XXYLT1: variants seen among roughly 807,000 people sequenced by gnomAD.
The protein encoded by XXYLT1 is UDP-xylose:alpha-xyloside alpha-1,3-xylosyltransferase.
Under a neutral mutation model 28.9 loss-of-function variants are expected in XXYLT1, and 20 were observed. That is an observed-to-expected ratio of 0.69 (90% CI 0.49 to 1.00). The LOEUF (loss-of-function observed/expected upper bound fraction) is 1.00. Among genes scored for constraint, XXYLT1 ranks in the 50% least tolerant of loss-of-function variants. The pLI, the probability that XXYLT1 is intolerant of heterozygous loss-of-function variation, is 0.00. For synonymous variants in XXYLT1, 257 were observed against 253.8 expected, an observed-to-expected ratio of 1.01 and a Z score of -0.12; for missense variants, 542 against 560.1, an observed-to-expected ratio of 0.97 and a Z score of 0.33.
chr3:195,142,689 C>T lies in XXYLT1; in HGVS notation c.785+13760G>A, dbSNP rs187848417. 9.9e-4 allele frequency among the ~76,000 whole-genome samples: 151 copies of T among 152,386 alleles called. 2 individuals carry two copies. Among genetic ancestry groups the T allele is most frequent in the Admixed American group, 9.7e-3 (149 of 15,310 alleles). On this transcript the variant is annotated intron_variant, in intron 3 of 3. Coordinates refer to ENST00000310380, the MANE Select transcript of XXYLT1 (RefSeq NM_152531.5). ...GCCATTAGCAATGCCCTCAATGGCA[C>T]CGCCGAGCAGGCAGCCGGGGCTGGG...
At chr3:195,163,343 T>G (rs1188918860) in intron 2 of XXYLT1, among the ~76,000 whole-genome samples, 1 of 152,208 alleles carries the variant, frequency 6.6e-6, no homozygotes, top group Non-Finnish European at 1.5e-5. Flanking sequence ...CCATGCCACC[T>G]TATGGATTCA....
In XXYLT1 at chr3:195,068,366, T is replaced by C. The variant is rs555030869; in HGVS notation, c.*1349A>G. 1.2e-4 allele frequency: 18 copies of C among 151,842 alleles called. No individual in the cohort carries two copies. The highest frequency in any genetic ancestry group is 4.1e-4 in the African/African-American group (17 of 41,396). 9.4% of individuals were successfully genotyped at this position (151,842 alleles called of 1,614,324 possible). A position where few individuals can be genotyped will look rare whatever the true frequency, so the allele number is the denominator to read the frequency against. ...AAATCAAAACAAAACAAGATGAAAATTGATACAAATGGACCCCTGGGGCTT... is the reference window on the plus strand; with the variant it reads ...AAATCAAAACAAAACAAGATGAAAACTGATACAAATGGACCCCTGGGGCTT... On this transcript the variant is annotated 3_prime_UTR_variant, in exon 4 of 4. Coordinates refer to ENST00000310380, the MANE Select transcript of XXYLT1 (RefSeq NM_152531.5).
At chr3:195,103,339 GCGACC>G (rs1716896279) in intron 3 of XXYLT1, among the ~76,000 whole-genome samples, 2 of 151,420 alleles carry the variant, frequency 1.3e-5, no homozygotes, top group Admixed American at 1.3e-4. Context: ...CCCCACGCCA[GCGACC>G]TGCGTCCATC....
At chr3:195,181,768 AC>A (rs1721964526) in intron 2 of XXYLT1, among the ~76,000 whole-genome samples, 1 of 152,124 alleles carries the variant, frequency 6.6e-6, no homozygotes, top group Admixed American at 6.6e-5. Flanking sequence ...CACAGCTGAT[AC>A]CCTTAACCAC....
rs915574754 is a variant in XXYLT1, at chr3:195,255,936, C to T, written c.504+14619G>A. Among the ~76,000 whole-genome samples, 4 of 152,162 alleles carry T rather than the reference C, an allele frequency of 2.6e-5. No homozygotes were observed. The highest frequency in any genetic ancestry group is 5.9e-5 in the Non-Finnish European group (4 of 68,012). ...TCCTAGAAAGAGGCTCCCTGCTGTTCTATGGGCAGCTCCTGGAGGAGGGAG... is the reference window on the plus strand; with the variant it reads ...TCCTAGAAAGAGGCTCCCTGCTGTTTTATGGGCAGCTCCTGGAGGAGGGAG... On this transcript the variant is annotated intron_variant, in intron 1 of 3. Transcript: ENST00000310380. This position sits in a 1 kb window ranked among gnomAD's most constrained non-coding sequence, Gnocchi z 4.5.
intron 3 of XXYLT1, among the ~76,000 whole-genome samples, chr3:195,110,316 G>GT (rs1289892064): frequency 2.8e-3 from 5 of 1,766 alleles, no homozygotes; most frequent in African/African-American, 6.2e-3. Flanking sequence ...ATGTGTGTGT[G>GT]GGTGAGGGTG....
In XXYLT1 at chr3:195,076,214, G is replaced by A. The variant is rs116711952; in HGVS notation, c.786-6103C>T. ...GGCCTGGAGGAAGGTCTGGGGGCTC[G>A]GGGAAGTGAGAAAAGAGGTGACATC... On this transcript the variant is annotated intron_variant, in intron 3 of 3. Coordinates refer to ENST00000310380, the MANE Select transcript of XXYLT1 (RefSeq NM_152531.5). The surrounding 1 kb of genome is among the most constrained non-coding windows in gnomAD (Gnocchi z 5.3). 3.4e-3 allele frequency among the ~76,000 whole-genome samples: 519 copies of A among 152,290 alleles called. 5 individuals are homozygous for A. Among genetic ancestry groups the A allele is most frequent in the Middle Eastern group, 0.024 (7 of 294 alleles).
rs570332506 is a variant in XXYLT1, at chr3:195,247,658, G to A, written c.505-20802C>T. ...ATCCCCAGACAGCCCTGCCAGGCTC[G>A]AACCCTCCGACCCCAGGGCAGGCTC... On this transcript the variant is annotated intron_variant, in intron 1 of 3. Transcript: ENST00000310380. The A allele has an allele frequency of 7.6e-4, 437 of 573,822 alleles. 1 individual carries two copies. Among genetic ancestry groups the A allele is most frequent in the Middle Eastern group, 3.2e-3 (7 of 2,178 alleles). 35.5% of individuals were successfully genotyped at this position (573,822 alleles called of 1,614,324 possible).
Position 195,156,462 on chromosome 3 carries a change from G to T in XXYLT1, c.772C>A (p.Gln258Lys). The T allele has an allele frequency of 6.2e-7, 1 of 1,614,012 alleles. No homozygotes were observed. The highest frequency in any genetic ancestry group is 1.1e-5 in the South Asian group (1 of 91,078). The part of the protein sequence containing the change: ...GAIIGIAREM[Q>K]PVYRHTFWQF... Reference sequence around the variant, plus strand: ...GTCATGACGCACCTGTAAACTGGCTGCATCTCCCGGGCTATGCCGATGATG... The same window carrying T: ...GTCATGACGCACCTGTAAACTGGCTTCATCTCCCGGGCTATGCCGATGATG... The change falls in exon 3 of 4, where the codon CAG (glutamine) becomes AAG (lysine). Residue 258 changes from glutamine to lysine, a missense_variant. By Grantham distance (53) the Gln-to-Lys change is moderately conservative. Transcript: ENST00000310380.
intron 3 of XXYLT1, among the ~76,000 whole-genome samples, chr3:195,089,837 C>T (rs1297891642): frequency 6.6e-6 from 1 of 151,730 alleles, no homozygotes; most frequent in African/African-American, 2.4e-5. Flanking sequence ...GGAAGATCTA[C>T]CAAGCCAATG....
chr3:195,102,481 C>A (rs555355115), intron 3 of XXYLT1, among the ~76,000 whole-genome samples: 1 of 152,264 alleles, frequency 6.6e-6, no homozygotes, highest in African/African-American at 2.4e-5. Flanking sequence ...TTCTTCTCTA[C>A]CGCTGTGTAT....
intron 3 of XXYLT1, among the ~76,000 whole-genome samples, chr3:195,112,487 T>C (rs893191881): frequency 4.7e-5 from 5 of 106,076 alleles, no homozygotes; most frequent in African/African-American, 1.8e-4. Flanking sequence ...CACACACGCA[T>C]GGACACATGC....
chr3:195,205,711 A>G (rs1453357466), intron 2 of XXYLT1, among the ~76,000 whole-genome samples: 1 of 152,148 alleles, frequency 6.6e-6, no homozygotes, highest in Non-Finnish European at 1.5e-5. Flanking sequence ...AAAAATACAA[A>G]AATTAGCCAA....
In XXYLT1 at chr3:195,226,730, T is replaced by C; in HGVS notation, c.631A>G (p.Met211Val). ...SDSIFFLSVA[M>V]HQIMPKEILQ... ...TTACCTTTGGGCATGATCTGATGCA[T>C]GGCGACCGAGAGGAAGAAGATGGAG... The change falls in exon 2 of 4, where the codon ATG (methionine) becomes GTG (valine). Residue 211 changes from methionine to valine, a missense_variant. By Grantham distance (21) the Met-to-Val change is conservative. Transcript: ENST00000310380. 6.2e-7 allele frequency: 1 copy of C among 1,613,700 alleles called. No individual in the cohort carries two copies. Among genetic ancestry groups the C allele is most frequent in the East Asian group, 2.2e-5 (1 of 44,860 alleles).
chr3:195,195,657 C>A lies in XXYLT1; in HGVS notation c.652+31052G>T, dbSNP rs548324528. ...CCCTGGTCCCTTCACTCTGGCAGTTCCCCTACTGCCCAGCCCGGGAACTCC... is the reference window on the plus strand; with the variant it reads ...CCCTGGTCCCTTCACTCTGGCAGTTACCCTACTGCCCAGCCCGGGAACTCC... On this transcript the variant is annotated intron_variant, in intron 2 of 3. Transcript: ENST00000310380. The surrounding 1 kb of genome is among the most constrained non-coding windows in gnomAD (Gnocchi z 4.4). Among the ~76,000 whole-genome samples, 4 of 152,292 alleles carry A rather than the reference C, an allele frequency of 2.6e-5. No individual in the cohort carries two copies. The highest frequency in any genetic ancestry group is 4.4e-5 in the Non-Finnish European group (3 of 68,020).
chr3:195,194,231 A>G (rs938655652), intron 2 of XXYLT1, among the ~76,000 whole-genome samples: 76 of 150,838 alleles, frequency 5.0e-4, no homozygotes, highest in African/African-American at 1.7e-3. Context: ...ACCCCAATTA[A>G]TATATATATT....
intron 1 of XXYLT1, among the ~76,000 whole-genome samples, chr3:195,269,402 G>A (rs947880858): frequency 1.3e-5 from 2 of 152,202 alleles, no homozygotes; most frequent in African/African-American, 4.8e-5. Context: ...GGTGAAAGCT[G>A]AGTAAAGAAT....
rs372015196 is a variant in XXYLT1 at position 195,124,470 on chromosome 3, C to T, written c.785+31979G>A. Among the ~76,000 whole-genome samples the T allele has an allele frequency of 3.3e-5, 5 of 152,288 alleles. No individual in the cohort carries two copies. In the South Asian group the frequency reaches 1.0e-3, roughly 32 times the overall value. ...GGGCTTTGGGCCTGGCACAGAATAA[C>T]TTTGTTTTCCCCTGATAATTTGTCT... On this transcript the variant is annotated intron_variant, in intron 3 of 3. Coordinates refer to ENST00000310380, the MANE Select transcript of XXYLT1 (RefSeq NM_152531.5). The surrounding 1 kb of genome is among the most constrained non-coding windows in gnomAD (Gnocchi z 4.1).
chr3:195,078,718 C>T lies in XXYLT1; in HGVS notation c.786-8607G>A, dbSNP rs1715261158. On this transcript the variant is annotated intron_variant, in intron 3 of 3. Coordinates refer to ENST00000310380, the MANE Select transcript of XXYLT1 (RefSeq NM_152531.5). The surrounding 1 kb of genome is among the most constrained non-coding windows in gnomAD (Gnocchi z 5.0). Reference sequence around the variant, plus strand: ...AGATGCATCCTGCTGCCACTCTCCCCAGTCCCCAGGGCTGCACACAGCCCC... The same window carrying T: ...AGATGCATCCTGCTGCCACTCTCCCTAGTCCCCAGGGCTGCACACAGCCCC... Among the ~76,000 whole-genome samples, 1 of 152,150 alleles carries T rather than the reference C, an allele frequency of 6.6e-6. No individual in the cohort carries two copies. The highest frequency in any genetic ancestry group is 2.4e-5 in the African/African-American group (1 of 41,428).
Sources: gnomAD v4.1 joint callset for allele counts (sites outside exome capture counted in the v4.1 genomes callset) on GRCh38, gnomAD v4.1.1 for gene constraint, Gnocchi (gnomAD v3.1) non-coding constraint, MANE v1.5 for transcripts, NCBI Gene and HGNC (gene_info 2026-07-23, HGNC 2026-07-21) for gene names.